CHCHD4: variants seen among roughly 807,000 people sequenced by gnomAD.
CHCHD4 encodes the protein coiled-coil-helix-coiled-coil-helix domain containing 4.
Under a neutral mutation model 12.4 loss-of-function variants are expected in CHCHD4, and 7 were observed. The observed-to-expected ratio is 0.57, with a 90% confidence interval of 0.32 to 1.06. The LOEUF (loss-of-function observed/expected upper bound fraction) is 1.06. Ranked by LOEUF, CHCHD4 falls within the 50% of genes least tolerant of loss-of-function variation. The pLI is 0.04. For synonymous variants in CHCHD4, 56 were observed against 58.0 expected (o/e 0.97, Z 0.16); for missense variants, 143 against 175.1 (o/e 0.82, Z 1.03).
In CHCHD4 at chr3:14,124,678, G is replaced by C; in HGVS notation, c.-2C>G. The C allele has an allele frequency of 6.5e-7, 1 of 1,529,774 alleles. No individual in the cohort carries two copies. Among genetic ancestry groups the C allele is most frequent in the South Asian group, 1.2e-5 (1 of 81,564 alleles). The allele number at this position is 1,529,774 out of a possible 1,614,324, so 94.8% of individuals were successfully genotyped here. A position where few individuals can be genotyped will look rare whatever the true frequency, so the allele number is the denominator to read the frequency against. On this transcript the variant is annotated 5_prime_UTR_variant, in exon 1 of 3. Coordinates refer to ENST00000396914, the MANE Select transcript of CHCHD4 (RefSeq NM_001098502.2). ...ACCTTCCTGCCGGCAATAGGACATG[G>C]CTGCAGCCCGTCCCTGAGACCTTGC... is the stretch of plus-strand genomic sequence containing the variant.
At chr3:14,117,640 G>A (rs1472799639) in intron 1 of CHCHD4, among the ~76,000 whole-genome samples, 1 of 152,144 alleles carries the variant, frequency 6.6e-6, no homozygotes. Flanking sequence ...CACACTGCAC[G>A]GTGGGTCATC....
intron 1 of CHCHD4, among the ~76,000 whole-genome samples, chr3:14,116,920 G>A (rs548504539): frequency 4.2e-4 from 64 of 152,338 alleles, no homozygotes; most frequent in African/African-American, 1.5e-3. Context: ...GTCTGAGAGG[G>A]ACCACAGCCA....
intron 1 of CHCHD4, among the ~76,000 whole-genome samples, chr3:14,122,575 C>A (rs556472276): frequency 1.8e-4 from 28 of 152,228 alleles, no homozygotes; most frequent in African/African-American, 6.3e-4. Flanking sequence ...GCAGGTGGAC[C>A]CCTGAAATAA....
rs1458214440 is a variant in CHCHD4, at chr3:14,124,688, G to C, written c.-12C>G. 2.0e-6 allele frequency: 3 copies of C among 1,527,190 alleles called. No homozygotes were observed. In the African/African-American group the frequency reaches 4.3e-5, roughly 22 times the overall value. The allele number at this position is 1,527,190 out of a possible 1,614,324, so 94.6% of individuals were successfully genotyped here. The stretch of plus-strand genomic sequence containing the variant: ...CGGCAATAGGACATGGCTGCAGCCC[G>C]TCCCTGAGACCTTGCAGAAGCGGCG... On this transcript the variant is annotated 5_prime_UTR_variant, in exon 1 of 3. Transcript: ENST00000396914.
At chr3:14,123,836 G>A (rs1352601858) in intron 1 of CHCHD4, among the ~76,000 whole-genome samples, 1 of 152,212 alleles carries the variant, frequency 6.6e-6, no homozygotes, top group African/African-American at 2.4e-5. Flanking sequence ...CCTCCGACCT[G>A]TGGCTCGGGT....
intron 1 of CHCHD4, among the ~76,000 whole-genome samples, chr3:14,120,278 A>G (rs1694919209): frequency 6.6e-6 from 1 of 152,124 alleles, no homozygotes; most frequent in Non-Finnish European, 1.5e-5. Flanking sequence ...TCTTTCTCTC[A>G]CATCTCCAAC....
Position 14,124,792 on chromosome 3 carries a change from GC to G in CHCHD4, c.-117del. On this transcript the variant is annotated 5_prime_UTR_variant, in exon 1 of 3. Coordinates refer to ENST00000396914, the MANE Select transcript of CHCHD4 (RefSeq NM_001098502.2). ...GCTCCTCCGAAGCCCGCGCGGACCC[GC>G]CCCCTCCCAGGCCTGCCCGCCGCGC... is the stretch of plus-strand genomic sequence containing the variant. The G allele has an allele frequency of 1.6e-6, 2 of 1,240,504 alleles. No individual in the cohort carries two copies. The highest frequency in any genetic ancestry group is 1.5e-5 in the South Asian group (1 of 65,184). The allele number at this position is 1,240,504 out of a possible 1,614,324, so 76.8% of individuals were successfully genotyped here.
At chr3:14,122,208 C>T (rs1466178069) in intron 1 of CHCHD4, 1 of 1,342,160 alleles carries the variant, frequency 7.5e-7, no homozygotes. Flanking sequence ...CTTCTCAGAC[C>T]CCATAGAGCC....
chr3:14,118,812 A>G (rs1400370134), intron 1 of CHCHD4, among the ~76,000 whole-genome samples: 1 of 152,218 alleles, frequency 6.6e-6, no homozygotes, highest in Admixed American at 6.5e-5. Flanking sequence ...AAAATGTTGA[A>G]CGCTAAGCAG....
Position 14,116,413 on chromosome 3 carries a change from A to G in CHCHD4, c.121+13T>C, listed in dbSNP as rs2731314. On this transcript the variant is annotated intron_variant, in intron 2 of 2. Coordinates refer to ENST00000396914, the MANE Select transcript of CHCHD4 (RefSeq NM_001098502.2). ...CCCTGGTGTGGGTCCCTGGGAGGCC[A>G]CATGTCACTCACCATGCTCCTCGTA... The G allele has an allele frequency of 0.12, 195,242 of 1,573,204 alleles. 13,041 individuals are homozygous for G. The highest frequency in any genetic ancestry group is 0.15 in the African/African-American group (10,774 of 74,112).
At chr3:14,117,977 A>G (rs1272423773) in intron 1 of CHCHD4, among the ~76,000 whole-genome samples, 1 of 152,250 alleles carries the variant, frequency 6.6e-6, no homozygotes, top group Non-Finnish European at 1.5e-5. Context: ...GAATAAATAC[A>G]ATAAATTCTG....
At chr3:14,124,602 T>TGGTCGCGGGGCGCCGGGGCCCGCGG in intron 1 of CHCHD4, 53 bp downstream of exon 1, 1 of 1,440,636 alleles carries the variant, frequency 6.9e-7, no homozygotes, top group Non-Finnish European at 9.1e-7. Flanking sequence ...GGGGCCCGCG[T>TGGTCGCGGGGCGCCGGGGCCCGCGG]GTCTCCCGCA....
chr3:14,117,069 G>A (rs1694883958), intron 1 of CHCHD4, among the ~76,000 whole-genome samples: 1 of 152,252 alleles, frequency 6.6e-6, no homozygotes, highest in Non-Finnish European at 1.5e-5. Flanking sequence ...ATAACTGGAG[G>A]GGGGCAGTGG....
chr3:14,116,707 C>A (rs1002739797), intron 1 of CHCHD4, among the ~76,000 whole-genome samples, 183 bp from the exon 2 acceptor site: 1 of 152,044 alleles, frequency 6.6e-6, no homozygotes, highest in Non-Finnish European at 1.5e-5. Context: ...GGATAAGGGG[C>A]AGGGCAGGAA....
chr3:14,119,664 A>G, intron 1 of CHCHD4, among the ~76,000 whole-genome samples: 1 of 152,240 alleles, frequency 6.6e-6, no homozygotes, highest in East Asian at 1.9e-4. Flanking sequence ...TAAGCTTTAA[A>G]AGCAGTTGAA....
At position 14,123,039 on chromosome 3, in the gene CHCHD4, G is replaced by C. The variant is rs556592498; in HGVS notation, c.22+1616C>G. ...CCTATGGGAAGCATAAAGGATCAGT[G>C]GGGGGCGGAGGGGGGGAAGTTAGGG... is the stretch of plus-strand genomic sequence containing the variant. On this transcript the variant is annotated intron_variant, in intron 1 of 2. Transcript: ENST00000396914. Among the ~76,000 whole-genome samples the C allele has an allele frequency of 2.0e-5, 3 of 152,158 alleles. No homozygotes were observed. The East Asian group carries it at 5.8e-4, about 29-fold the overall frequency.
chr3:14,122,733 ACAGG>A (rs985307389), intron 1 of CHCHD4, among the ~76,000 whole-genome samples: 8 of 152,258 alleles, frequency 5.3e-5, no homozygotes, highest in African/African-American at 1.7e-4. Context: ...GTGCGAGAAG[ACAGG>A]CAGGAAGTAA....
intron 1 of CHCHD4, among the ~76,000 whole-genome samples, chr3:14,123,367 G>A (rs1694959908): frequency 6.6e-6 from 1 of 152,170 alleles, no homozygotes; most frequent in Non-Finnish European, 1.5e-5. Flanking sequence ...GAGTGGTGAG[G>A]GCAGAGGACT....
At chr3:14,121,894 G>A (rs1426006932) in intron 1 of CHCHD4, 2 of 1,614,188 alleles carry the variant, frequency 1.2e-6, no homozygotes, top group South Asian at 1.1e-5. Flanking sequence ...GAATGCAAGT[G>A]TTAGAAGTTT....
Sources: gnomAD v4.1 joint callset for allele counts (sites outside exome capture counted in the v4.1 genomes callset) on GRCh38, gnomAD v4.1.1 for gene constraint, MANE v1.5 for transcripts, NCBI Gene and HGNC (gene_info 2026-07-23, HGNC 2026-07-21) for gene names.